The following SUCLG2 variants were observed in gnomAD, a reference collection of about 807,000 sequenced individuals.
SUCLG2 encodes succinate--CoA ligase [GDP-forming] subunit beta, mitochondrial.
Under a neutral mutation model 47.9 loss-of-function variants are expected in SUCLG2, and 42 were observed. That is an observed-to-expected ratio of 0.88 (90% confidence interval 0.69 to 1.14). The LOEUF is 1.14. SUCLG2 is among the 50% of genes most tolerant of loss of function. The pLI, the probability that SUCLG2 is intolerant of heterozygous loss-of-function variation, is 0.00. For missense variants in SUCLG2, 571 were observed against 525.9 expected, an observed-to-expected ratio of 1.09 and a Z score of -0.84; for synonymous variants, 195 against 197.3, an observed-to-expected ratio of 0.99 and a Z score of 0.10.
intron 9 of SUCLG2, among the ~76,000 whole-genome samples, chr3:67,480,419 T>G (rs1176671152): frequency 6.6e-6 from 1 of 152,240 alleles, no homozygotes; most frequent in Non-Finnish European, 1.5e-5. Context: ...AGCCCAAGAA[T>G]CTGCATTTCT....
chr3:67,599,174 C>T (rs1708360222), intron 2 of SUCLG2, among the ~76,000 whole-genome samples: 1 of 152,160 alleles, frequency 6.6e-6, no homozygotes, highest in South Asian at 2.1e-4. Flanking sequence ...ATTCTAGAGG[C>T]TAAGTAACTT....
chr3:67,475,354 T>A (rs1297288892), intron 9 of SUCLG2, among the ~76,000 whole-genome samples: 1 of 152,212 alleles, frequency 6.6e-6, no homozygotes, highest in Non-Finnish European at 1.5e-5. Flanking sequence ...GCAAGGAAAC[T>A]TTGAGTTTCT....
intron 10 of SUCLG2, among the ~76,000 whole-genome samples, chr3:67,383,958 C>T (rs891351485): frequency 1.3e-5 from 2 of 152,112 alleles, no homozygotes; most frequent in Non-Finnish European, 2.9e-5. Flanking sequence ...TCATGCTTTC[C>T]TTGAATCTTC....
chr3:67,551,997 G>C (rs1030371230), intron 2 of SUCLG2, among the ~76,000 whole-genome samples: 1 of 152,004 alleles, frequency 6.6e-6, no homozygotes, highest in Admixed American at 6.6e-5. Context: ...TTCAAGCTCA[G>C]GTGAATATAA....
chr3:67,522,591 AT>A, intron 4 of SUCLG2, among the ~76,000 whole-genome samples: 1 of 152,024 alleles, frequency 6.6e-6, no homozygotes, highest in South Asian at 2.1e-4. Flanking sequence ...TTTAAAGAAT[AT>A]AAAAACAATC....
chr3:67,540,457 G>T lies in SUCLG2; in HGVS notation c.227-11271C>A, dbSNP rs185250021. Among the ~76,000 whole-genome samples, 666 of 152,156 alleles carry T rather than the reference G, an allele frequency of 4.4e-3. 6 individuals are homozygous for T. The East Asian group carries it at 0.052, about 12-fold the overall frequency. On this transcript the variant is annotated intron_variant, in intron 2 of 10. Transcript: ENST00000307227. Reference sequence around the variant, plus strand: ...AAGTTCTGACTGGGCAGAGCCCACCGCAGCGTGGCAAAGTCACTGTAGCCA... The same window carrying T: ...AAGTTCTGACTGGGCAGAGCCCACCTCAGCGTGGCAAAGTCACTGTAGCCA...
intron 1 of SUCLG2, among the ~76,000 whole-genome samples, chr3:67,649,042 T>C (rs1575843689): frequency 6.6e-6 from 1 of 152,112 alleles, no homozygotes; most frequent in Non-Finnish European, 1.5e-5. Context: ...CAGATAAGGG[T>C]ACAGAGAATA....
At chr3:67,648,217 G>T (rs540409819) in intron 1 of SUCLG2, among the ~76,000 whole-genome samples, 1 of 152,200 alleles carries the variant, frequency 6.6e-6, no homozygotes, top group African/African-American at 2.4e-5. Flanking sequence ...GATCCCATAA[G>T]AATTTGAACT....
intron 1 of SUCLG2, among the ~76,000 whole-genome samples, chr3:67,626,161 T>A (rs921655978): frequency 6.6e-6 from 1 of 151,428 alleles, no homozygotes; most frequent in Non-Finnish European, 1.5e-5. Flanking sequence ...CTGGGAGTAA[T>A]TTTTGTATTT....
rs189160193 is a variant in SUCLG2, at chr3:67,635,285, A to G, written c.84+19218T>C. Among the ~76,000 whole-genome samples the G allele has an allele frequency of 8.5e-3, 1,302 of 152,320 alleles. 11 individuals carry two copies. The highest frequency in any genetic ancestry group is 0.014 in the Non-Finnish European group (936 of 68,028). On this transcript the variant is annotated intron_variant, in intron 1 of 10. Coordinates refer to ENST00000307227, the MANE Select transcript of SUCLG2 (RefSeq NM_003848.4). ...CCTTGGCTGAGGCTTTGCACTGGTTATCAGTTTTTCAGACCTCTTGCCTGC... is the reference window on the plus strand; with the variant it reads ...CCTTGGCTGAGGCTTTGCACTGGTTGTCAGTTTTTCAGACCTCTTGCCTGC...
intron 9 of SUCLG2, among the ~76,000 whole-genome samples, chr3:67,466,036 G>T (rs1045510318): frequency 6.6e-6 from 1 of 152,042 alleles, no homozygotes; most frequent in Non-Finnish European, 1.5e-5. Context: ...CAGCCCTTAC[G>T]TTGTATCTGC....
Position 67,508,872 on chromosome 3 carries a change from A to C in SUCLG2, c.692T>G (p.Leu231Arg). 6.2e-7 allele frequency: 1 copy of C among 1,612,464 alleles called. No individual in the cohort carries two copies. The change falls in exon 7 of 11, where the codon CTC becomes CGC. Residue 231 changes from leucine to arginine, a missense_variant. Transcript: ENST00000307227. Reference sequence around the variant, plus strand: ...CTGAGTAGCATCAATTTTCAGGAAGAGATTATACAGCTTCGTAATTTGATC... The same window carrying C: ...CTGAGTAGCATCAATTTTCAGGAAGCGATTATACAGCTTCGTAATTTGATC... ...AADQITKLYNLFLKIDATQVE... is the reference protein window; with the variant it reads ...AADQITKLYNRFLKIDATQVE...
intron 2 of SUCLG2, among the ~76,000 whole-genome samples, chr3:67,551,330 T>G (rs1707008770): frequency 6.6e-6 from 1 of 152,204 alleles, no homozygotes; most frequent in African/African-American, 2.4e-5. Context: ...ATGCACACCA[T>G]GTTTTTATTT....
rs534523476 is a variant in SUCLG2, at chr3:67,411,026, A to G, written c.1063-10175T>C. Among the ~76,000 whole-genome samples the G allele has an allele frequency of 3.2e-4, 49 of 152,264 alleles. No homozygotes were observed. In the South Asian group the frequency reaches 8.3e-3, roughly 26 times the overall value. On this transcript the variant is annotated intron_variant, in intron 9 of 10. Coordinates refer to ENST00000307227, the MANE Select transcript of SUCLG2 (RefSeq NM_003848.4). The stretch of plus-strand genomic sequence containing the variant: ...ATGTAAATACGTATACTCCATCATC[A>G]TTTGTTGGAGAGTTAATATAGAGAA...
intron 10 of SUCLG2, among the ~76,000 whole-genome samples, chr3:67,390,138 C>G (rs191762821): frequency 6.6e-6 from 1 of 152,194 alleles, no homozygotes; most frequent in Admixed American, 6.6e-5. Flanking sequence ...TTTCAGTGAT[C>G]CAGATAACAG....
chr3:67,648,625 T>C (rs1262344499), intron 1 of SUCLG2, among the ~76,000 whole-genome samples: 5 of 152,140 alleles, frequency 3.3e-5, no homozygotes, highest in Non-Finnish European at 7.3e-5. Context: ...TCCCCTGCAG[T>C]GATGTTGTAA....
chr3:67,569,856 G>A (rs1411247019), intron 2 of SUCLG2, among the ~76,000 whole-genome samples: 1 of 152,126 alleles, frequency 6.6e-6, no homozygotes, highest in African/African-American at 2.4e-5. Context: ...TTACATGCAA[G>A]AGGAAACAAA....
At chr3:67,396,057 C>T (rs1297153568) in intron 10 of SUCLG2, among the ~76,000 whole-genome samples, 6 of 151,784 alleles carry the variant, frequency 4.0e-5, no homozygotes, top group African/African-American at 1.2e-4. Context: ...TAAATGCCCA[C>T]AAGAGAAAGC....
chr3:67,645,564 T>C (rs565432356), intron 1 of SUCLG2, among the ~76,000 whole-genome samples: 55 of 152,272 alleles, frequency 3.6e-4, no homozygotes, highest in African/African-American at 1.3e-3. Context: ...TTTTCCATGG[T>C]AATTATAAAA....
Sources: gnomAD v4.1 joint callset for allele counts (sites outside exome capture counted in the v4.1 genomes callset) on GRCh38, gnomAD v4.1.1 for gene constraint, MANE v1.5 for transcripts, NCBI Gene and HGNC (gene_info 2026-07-23, HGNC 2026-07-21) for gene names.